Variants in PDE1A observed in about 807,000 individuals in gnomAD.
The protein encoded by PDE1A is phosphodiesterase 1A.
A neutral mutation model predicts 61.7 loss-of-function variants in PDE1A; 35 were observed. That is an observed-to-expected ratio of 0.57 (90% CI 0.43 to 0.75). PDE1A has a LOEUF of 0.75. PDE1A is among the 30% of genes least tolerant of loss of function. The pLI is 0.00. For synonymous variants in PDE1A, 232 were observed against 213.2 expected (o/e 1.09, Z -0.77); for missense variants, 597 against 630.6 (o/e 0.95, Z 0.57).
At chr2:182,427,309 A>G (rs1209636795), upstream of PDE1A, among the ~76,000 whole-genome samples, 2 of 152,182 alleles carry the variant, frequency 1.3e-5, no homozygotes, top group Non-Finnish European at 2.9e-5. Flanking sequence ...CTTATAATCT[A>G]ATAACCTCCT....
At chr2:182,229,623 G>C (rs1559222920) in intron 6 of PDE1A, among the ~76,000 whole-genome samples, 1 of 152,120 alleles carries the variant, frequency 6.6e-6, no homozygotes, top group South Asian at 2.1e-4. Flanking sequence ...GAGAGCAAAA[G>C]CGACTAAGGT....
At chr2:182,573,918 ATT>A in the PDE1A span, among the ~76,000 whole-genome samples, 2 of 144,666 alleles carry the variant, frequency 1.4e-5, no homozygotes, top group African/African-American at 2.6e-5. Context: ...TATTATATAT[ATT>A]AATATATACA....
rs555447843 is a variant in PDE1A, at chr2:182,294,435, A to G, written c.54-30021T>C. On this transcript the variant is annotated intron_variant, in intron 1 of 13. Coordinates refer to ENST00000351439, the Ensembl canonical transcript of PDE1A. ...TTTAATAATGGCATTAATAACTCAT[A>G]TGAGTTTTATAATTCACAGGTTGCT... Among the ~76,000 whole-genome samples the G allele has an allele frequency of 1.8e-3, 270 of 152,266 alleles. 1 individual carries two copies. The highest frequency in any genetic ancestry group is 6.4e-3 in the African/African-American group (264 of 41,550).
chr2:182,671,828 C>T, the PDE1A span, among the ~76,000 whole-genome samples: 2 of 151,488 alleles, frequency 1.3e-5, no homozygotes, highest in Admixed American at 6.6e-5. Flanking sequence ...ACCATGTTAG[C>T]CAGGATGGTC....
the PDE1A span, among the ~76,000 whole-genome samples, chr2:182,597,523 A>G: frequency 1.1e-4 from 17 of 152,102 alleles, no homozygotes; most frequent in Admixed American, 1.1e-3. Flanking sequence ...GGGTCCTGGG[A>G]GGGTCCTGAG....
intron 2 of PDE1A, among the ~76,000 whole-genome samples, chr2:182,508,986 G>T: frequency 7.3e-6 from 1 of 137,598 alleles, no homozygotes; most frequent in Non-Finnish European, 1.6e-5. Context: ...ACAGTCCCCA[G>T]AGTGTGATAT....
At chr2:182,633,870 G>A in the PDE1A span, among the ~76,000 whole-genome samples, 2 of 152,090 alleles carry the variant, frequency 1.3e-5, no homozygotes, top group Non-Finnish European at 2.9e-5. Context: ...GATCCCATAA[G>A]CCCAGGAGTT....
At chr2:182,686,971 C>A in the PDE1A span, among the ~76,000 whole-genome samples, 805 of 152,314 alleles carry the variant, frequency 5.3e-3, 6 homozygotes, top group African/African-American at 0.019. Context: ...AGGCGGCAGC[C>A]AAGCTGGGGG....
At chr2:182,555,708 A>C in the PDE1A span, among the ~76,000 whole-genome samples, 1 of 152,062 alleles carries the variant, frequency 6.6e-6, no homozygotes, top group Non-Finnish European at 1.5e-5. Context: ...GGTCACGCCT[A>C]TAATACCAGC....
the PDE1A span, among the ~76,000 whole-genome samples, chr2:182,538,692 A>G: frequency 6.6e-6 from 1 of 152,220 alleles, no homozygotes; most frequent in Non-Finnish European, 1.5e-5. Flanking sequence ...AAATCTAAAT[A>G]TCTTTGGAAA....
At chr2:182,627,216 ATAAATAATATATTATTT>A in the PDE1A span, among the ~76,000 whole-genome samples, 94 of 69,776 alleles carry the variant, frequency 1.3e-3, no homozygotes, top group Non-Finnish European at 1.4e-3. Context: ...TATATAAAAT[ATAAATAATATATTATTT>A]ATATATAAAA....
At chr2:182,587,194 G>C in the PDE1A span, among the ~76,000 whole-genome samples, 4 of 152,186 alleles carry the variant, frequency 2.6e-5, no homozygotes, top group Admixed American at 2.6e-4. Flanking sequence ...ACAAGGTTTT[G>C]TGTTTCATAT....
In PDE1A at chr2:182,516,297, G is replaced by A. The variant is rs371110853; in HGVS notation, c.101+5979C>T. Among the ~76,000 whole-genome samples, 28 of 152,102 alleles carry A rather than the reference G, an allele frequency of 1.8e-4. No homozygotes were observed. The East Asian group carries it at 5.0e-3, about 27-fold the overall frequency. On this transcript the variant is annotated intron_variant, in intron 2 of 14. Transcript: ENST00000410103. ...CACCATCTTCAATAGTAGCACAGAC[G>A]AGTTAAGTCCTTGTCACTCACTCCT...
At chr2:182,714,313 GCA>G in the PDE1A span, among the ~76,000 whole-genome samples, 2 of 152,042 alleles carry the variant, frequency 1.3e-5, no homozygotes, top group Non-Finnish European at 2.9e-5. Flanking sequence ...TACTTATTCT[GCA>G]CACTTTCTTT....
chr2:182,566,509 A>G, the PDE1A span, among the ~76,000 whole-genome samples: 1 of 151,166 alleles, frequency 6.6e-6, no homozygotes, highest in Non-Finnish European at 1.5e-5. Flanking sequence ...TATAAATTAT[A>G]TAATATATAT....
chr2:182,300,520 T>C (rs1038449300), intron 1 of PDE1A, among the ~76,000 whole-genome samples: 2 of 152,154 alleles, frequency 1.3e-5, no homozygotes, highest in African/African-American at 4.8e-5. Flanking sequence ...TAGCCATCAA[T>C]TGTGCAGGGG....
At chr2:182,375,330 C>G (rs1700336766) in intron 1 of PDE1A, among the ~76,000 whole-genome samples, 1 of 152,150 alleles carries the variant, frequency 6.6e-6, no homozygotes, top group Non-Finnish European at 1.5e-5. Context: ...CAAAAGCAAG[C>G]TAGTTACTTC....
intron 2 of PDE1A, among the ~76,000 whole-genome samples, chr2:182,263,087 C>T (rs1692345914): frequency 6.6e-6 from 1 of 152,072 alleles, no homozygotes; most frequent in Non-Finnish European, 1.5e-5. Flanking sequence ...CTTCCCCAAG[C>T]TTAGGCCTGG....
intron 1 of PDE1A, among the ~76,000 whole-genome samples, chr2:182,342,619 G>C (rs555681128): frequency 2.6e-5 from 4 of 152,316 alleles, no homozygotes; most frequent in Admixed American, 2.6e-4. Flanking sequence ...GGAGGTGGAG[G>C]TTGCAGTGAG....
Sources: allele counts gnomAD v4.1 joint callset (sites outside exome capture counted in the v4.1 genomes callset), GRCh38; gene constraint gnomAD v4.1.1; transcripts MANE v1.5; gene names NCBI Gene and HGNC (gene_info 2026-07-23, HGNC 2026-07-21).